The following SPMAP2L variants were observed in gnomAD, a reference collection of about 807,000 sequenced individuals.
SPMAP2L encodes sperm microtubule associated protein 2-like.
chr4:56,615,385 C>A, the SPMAP2L span, among the ~76,000 whole-genome samples: 1 of 152,224 alleles, frequency 6.6e-6, no homozygotes, highest in African/African-American at 2.4e-5. Context: ...CTACGCTATG[C>A]CCGCAGGCAC....
chr4:56,536,354 G>T, the SPMAP2L span, among the ~76,000 whole-genome samples: 1 of 152,206 alleles, frequency 6.6e-6, no homozygotes, highest in African/African-American at 2.4e-5. Context: ...CATTTCACTT[G>T]CTTTCTCCTC....
chr4:56,606,321 T>C, the SPMAP2L span, among the ~76,000 whole-genome samples: 1 of 152,180 alleles, frequency 6.6e-6, no homozygotes, highest in African/African-American at 2.4e-5. Context: ...TCTTGGAGAA[T>C]TACTTTCTCC....
At chr4:56,542,211 A>G in the SPMAP2L span, among the ~76,000 whole-genome samples, 2 of 152,272 alleles carry the variant, frequency 1.3e-5, no homozygotes. Flanking sequence ...AGCAGGCAAC[A>G]GAGAAATCTG....
the SPMAP2L span, among the ~76,000 whole-genome samples, chr4:56,570,699 A>G: frequency 6.6e-6 from 1 of 151,798 alleles, no homozygotes; most frequent in Non-Finnish European, 1.5e-5. Context: ...GGTAGACTTT[A>G]TAAACACTGT....
the SPMAP2L span, among the ~76,000 whole-genome samples, chr4:56,621,878 C>T: frequency 1.2e-4 from 18 of 152,122 alleles, no homozygotes; most frequent in East Asian, 5.8e-4. Flanking sequence ...ATTTTTAGGG[C>T]GGTGAAATTA....
At chr4:56,567,442 G>GTTTTTTTTTTTTTTTT in the SPMAP2L span, among the ~76,000 whole-genome samples, 4 of 65,580 alleles carry the variant, frequency 6.1e-5, no homozygotes, top group Non-Finnish European at 8.4e-5. Flanking sequence ...AATTTTGGTG[G>GTTTTTTTTTTTTTTTT]TTTTTTTTTT....
At chr4:56,530,787 C>T in the SPMAP2L span, 2 of 1,535,380 alleles carry the variant, frequency 1.3e-6, no homozygotes, top group Non-Finnish European at 8.7e-7. Flanking sequence ...CCATTGTGCT[C>T]AGGATTCTCG....
At chr4:56,575,509 C>G in the SPMAP2L span, 1 of 1,535,172 alleles carries the variant, frequency 6.5e-7, no homozygotes, top group Non-Finnish European at 8.7e-7. Context: ...TTGCAGGGCT[C>G]AATACTACCA....
At chr4:56,603,751 T>C in the SPMAP2L span, among the ~76,000 whole-genome samples, 1 of 152,218 alleles carries the variant, frequency 6.6e-6, no homozygotes, top group African/African-American at 2.4e-5. Context: ...TCATTCTTTG[T>C]GTTATTTCAG....
the SPMAP2L span, chr4:56,593,549 G>T: frequency 6.2e-7 from 1 of 1,601,692 alleles, no homozygotes; most frequent in Non-Finnish European, 8.6e-7. Context: ...TGACCTTTTA[G>T]CTTTGTGCAT....
At chr4:56,594,182 C>G in the SPMAP2L span, 1 of 1,612,966 alleles carries the variant, frequency 6.2e-7, no homozygotes, top group South Asian at 1.1e-5. Flanking sequence ...CAGAGGTATT[C>G]CAGGGTCTGT....
chr4:56,596,697 C>T, the SPMAP2L span: 1 of 1,400,576 alleles, frequency 7.1e-7, no homozygotes, highest in Admixed American at 3.1e-5. Context: ...GCTATTTTGC[C>T]TCTACAGGGC....
chr4:56,610,309 T>C, the SPMAP2L span, among the ~76,000 whole-genome samples: 1 of 152,064 alleles, frequency 6.6e-6, no homozygotes, highest in East Asian at 1.9e-4. Context: ...TACAGCCAAC[T>C]GATACTTGGC....
chr4:56,571,169 C>T, the SPMAP2L span, among the ~76,000 whole-genome samples: 1 of 151,180 alleles, frequency 6.6e-6, no homozygotes, highest in East Asian at 1.9e-4. Flanking sequence ...TTTATAATAA[C>T]ACTTAGCTTA....
chr4:56,560,853 C>A, the SPMAP2L span, among the ~76,000 whole-genome samples: 1 of 152,140 alleles, frequency 6.6e-6, no homozygotes, highest in African/African-American at 2.4e-5. Flanking sequence ...TCAAGTAATT[C>A]TCTTGCCTCA....
At chr4:56,537,761 C>T in the SPMAP2L span, among the ~76,000 whole-genome samples, 34 of 151,822 alleles carry the variant, frequency 2.2e-4, no homozygotes, top group African/African-American at 7.5e-4. Context: ...CGCGCGATCT[C>T]GGCTCACTAC....
chr4:56,530,833 G>A, the SPMAP2L span: 2 of 1,535,350 alleles, frequency 1.3e-6, no homozygotes, highest in East Asian at 4.9e-5. Context: ...CGAGGATCCC[G>A]AGAAACACGA....
the SPMAP2L span, among the ~76,000 whole-genome samples, chr4:56,597,116 G>A: frequency 3.3e-5 from 5 of 152,232 alleles, no homozygotes; most frequent in East Asian, 9.6e-4. Flanking sequence ...GTCAGTGAAG[G>A]CCTCTCTAAG....
At chr4:56,582,160 G>T in the SPMAP2L span, among the ~76,000 whole-genome samples, 1 of 152,028 alleles carries the variant, frequency 6.6e-6, no homozygotes, top group Non-Finnish European at 1.5e-5. Flanking sequence ...ATGACCTTTT[G>T]TTGTCATATC....
Sources: allele counts gnomAD v4.1 joint callset (sites outside exome capture counted in the v4.1 genomes callset), GRCh38; gene constraint gnomAD v4.1.1; transcripts MANE v1.5; gene names NCBI Gene and HGNC (gene_info 2026-07-23, HGNC 2026-07-21).